Variants in CCSER1 observed in about 807,000 individuals in gnomAD.
The protein encoded by CCSER1 is serine-rich coiled-coil domain-containing protein 1.
CCSER1 carries 41 observed loss-of-function variants against 82.0 expected under a neutral mutation model. That is an observed-to-expected ratio of 0.50 (90% confidence interval 0.39 to 0.65). The LOEUF is 0.65. CCSER1 is among the 30% of genes least tolerant of loss of function. The probability of loss-of-function intolerance (pLI) is 0.00; values close to 1 mark genes in which losing one functional copy is unlikely to be tolerated. For synonymous variants in CCSER1, 414 were observed against 383.9 expected, an observed-to-expected ratio of 1.08 and a Z score of -0.92; for missense variants, 1,119 against 1,064.2, an observed-to-expected ratio of 1.05 and a Z score of -0.72.
chr4:90,761,274 T>C (rs543049237), intron 7 of CCSER1, among the ~76,000 whole-genome samples: 2 of 152,258 alleles, frequency 1.3e-5, no homozygotes, highest in South Asian at 4.1e-4. Context: ...GCAAAAGTAC[T>C]AAAAACACAA....
intron 10 of CCSER1, among the ~76,000 whole-genome samples, chr4:91,092,049 G>A (rs938640054): frequency 1.3e-5 from 2 of 152,296 alleles, no homozygotes; most frequent in South Asian, 4.1e-4. Flanking sequence ...TGTTTTCTTA[G>A]AGGGGGTGCA....
At chr4:91,536,689 C>A (rs1036171746) in intron 10 of CCSER1, among the ~76,000 whole-genome samples, 1 of 152,074 alleles carries the variant, frequency 6.6e-6, no homozygotes, top group Admixed American at 6.6e-5. Context: ...TAGCTCTGCC[C>A]TATCAACAAA....
At chr4:90,706,492 A>G (rs1739379455) in intron 6 of CCSER1, among the ~76,000 whole-genome samples, 1 of 152,170 alleles carries the variant, frequency 6.6e-6, no homozygotes, top group Non-Finnish European at 1.5e-5. Context: ...AAATAAAACC[A>G]CAACAAAAGT....
intron 10 of CCSER1, among the ~76,000 whole-genome samples, chr4:91,524,800 C>A (rs1760688743): frequency 6.6e-6 from 1 of 152,042 alleles, no homozygotes; most frequent in Admixed American, 6.6e-5. Context: ...TAAGGTAATG[C>A]AGAGTCTTAA....
At chr4:90,168,756 TG>T (rs1435576812) in intron 1 of CCSER1, among the ~76,000 whole-genome samples, 1 of 144,032 alleles carries the variant, frequency 6.9e-6, no homozygotes, top group Non-Finnish European at 1.5e-5. Context: ...TTCTTGTTTT[TG>T]TCAGGTTTGT....
chr4:90,131,733 G>A lies in CCSER1; in HGVS notation c.-42+3902G>A, dbSNP rs558427511. On this transcript the variant is annotated intron_variant, in intron 1 of 10. Transcript: ENST00000509176. ...TGCCATAAATATAGAGCTATGATAC[G>A]GAGCCTATAGTGAAAATTTTAGAAT... Among the ~76,000 whole-genome samples the A allele has an allele frequency of 2.8e-4, 42 of 152,060 alleles. 1 individual carries two copies. In the South Asian group the frequency reaches 8.1e-3, roughly 29 times the overall value.
chr4:90,200,904 C>A (rs911312123), intron 1 of CCSER1, among the ~76,000 whole-genome samples: 2 of 152,000 alleles, frequency 1.3e-5, no homozygotes, highest in East Asian at 3.9e-4. Flanking sequence ...ATAGGAAATA[C>A]TTCCTGTCTT....
At chr4:90,547,196 T>TTAAG (rs10644346) in intron 5 of CCSER1, among the ~76,000 whole-genome samples, 71,309 of 151,066 alleles carry the variant, frequency 0.47, 21,279 homozygotes, top group African/African-American at 0.86. Flanking sequence ...ATGCCTATTG[T>TTAAG]TAATGCCAAT....
At chr4:90,531,318 A>C (rs1366988229) in intron 5 of CCSER1, among the ~76,000 whole-genome samples, 3 of 152,118 alleles carry the variant, frequency 2.0e-5, no homozygotes, top group Non-Finnish European at 4.4e-5. Context: ...AAAATCTCAA[A>C]AATGAGTATT....
chr4:90,506,155 C>G (rs1171490925), intron 5 of CCSER1, among the ~76,000 whole-genome samples: 1 of 152,146 alleles, frequency 6.6e-6, no homozygotes, highest in African/African-American at 2.4e-5. Context: ...TTTAAATATT[C>G]TAGTCCTCTA....
chr4:91,376,687 AAAT>A (rs201542524), intron 10 of CCSER1, among the ~76,000 whole-genome samples: 2,980 of 152,294 alleles, frequency 0.02, 74 homozygotes, highest in African/African-American at 0.067. Context: ...GCAAACATAA[AAAT>A]AATAATTGTA....
intron 10 of CCSER1, among the ~76,000 whole-genome samples, chr4:91,174,258 A>G (rs1733072716): frequency 6.6e-6 from 1 of 152,070 alleles, no homozygotes; most frequent in African/African-American, 2.4e-5. Context: ...CATAGTTTGA[A>G]GGCTATGCTC....
At chr4:90,484,265 C>G (rs1165734734) in intron 5 of CCSER1, among the ~76,000 whole-genome samples, 1 of 152,026 alleles carries the variant, frequency 6.6e-6, no homozygotes, top group Non-Finnish European at 1.5e-5. Context: ...TTCTAGTTAT[C>G]CATTCATCTA....
chr4:90,345,084 C>T (rs1191490440), intron 3 of CCSER1, among the ~76,000 whole-genome samples: 1 of 152,060 alleles, frequency 6.6e-6, no homozygotes. Flanking sequence ...AGAGTTGGCA[C>T]TATCAACTGT....
intron 10 of CCSER1, among the ~76,000 whole-genome samples, chr4:91,152,547 T>G (rs2058531810): frequency 6.6e-6 from 1 of 152,220 alleles, no homozygotes; most frequent in Non-Finnish European, 1.5e-5. Flanking sequence ...ATGTGTGAAT[T>G]TGATCCTGTC....
intron 5 of CCSER1, among the ~76,000 whole-genome samples, chr4:90,553,675 A>G (rs1777787266): frequency 6.6e-6 from 1 of 152,316 alleles, no homozygotes. Context: ...GTTATAAATA[A>G]TCTTATTTTA....
intron 5 of CCSER1, among the ~76,000 whole-genome samples, chr4:90,568,018 T>G (rs1779612701): frequency 6.6e-6 from 1 of 152,236 alleles, no homozygotes; most frequent in Non-Finnish European, 1.5e-5. Context: ...TTTCTTCCGT[T>G]ATTTCTAATT....
At chr4:90,415,128 C>G (rs1755605874) in intron 4 of CCSER1, among the ~76,000 whole-genome samples, 1 of 152,142 alleles carries the variant, frequency 6.6e-6, no homozygotes, top group Non-Finnish European at 1.5e-5. Context: ...GTTGAAAAAT[C>G]AAAATATATA....
chr4:90,723,801 A>C, intron 6 of CCSER1, 113 bp from the exon 7 acceptor site: 1 of 448,880 alleles, frequency 2.2e-6, no homozygotes, highest in Non-Finnish European at 4.0e-6. Context: ...TTTTACATTC[A>C]TATTTTACTT....
Sources: gnomAD v4.1 joint callset for allele counts (sites outside exome capture counted in the v4.1 genomes callset) on GRCh38, gnomAD v4.1.1 for gene constraint, MANE v1.5 for transcripts, NCBI Gene and HGNC (gene_info 2026-07-23, HGNC 2026-07-21) for gene names.